NME8: variants seen among roughly 807,000 people sequenced by gnomAD.
NME8 encodes the protein protein NME8.
In NME8, 72 loss-of-function variants were observed where a neutral mutation model predicts 82.3. That is an observed-to-expected ratio of 0.87 (90% CI 0.72 to 1.06). The LOEUF is 1.06. NME8 is among the 50% of genes least tolerant of loss of function. NME8 has a pLI of 0.00. For missense variants in NME8, 712 were observed against 685.4 expected, an observed-to-expected ratio of 1.04 and a Z score of -0.43; for synonymous variants, 267 against 228.5, an observed-to-expected ratio of 1.17 and a Z score of -1.52.
chr7:37,857,476 T>G, intron 6 of NME8, 131 bp downstream of exon 6: 1 of 664,542 alleles, frequency 1.5e-6, no homozygotes, highest in Non-Finnish European at 2.6e-6. Flanking sequence ...TATCTTTTCT[T>G]GACTATTTAT....
intron 12 of NME8, among the ~76,000 whole-genome samples, chr7:37,878,772 C>G (rs1784897408): frequency 1.3e-5 from 2 of 152,104 alleles, no homozygotes; most frequent in Admixed American, 1.3e-4. Context: ...AAAAATACTA[C>G]AGAGTTCCCA....
chr7:37,855,214 A>G (rs1784494032), intron 5 of NME8, among the ~76,000 whole-genome samples: 1 of 152,148 alleles, frequency 6.6e-6, no homozygotes, highest in Non-Finnish European at 1.5e-5. Flanking sequence ...AAAGAACTTT[A>G]AAAACAGTCT....
Position 37,857,330 on chromosome 7 carries a change from TTTTCTC to T in NME8, c.259_264del (p.Leu87_Phe88del), listed in dbSNP as rs1368750624. Reference sequence around the variant, plus strand: ...CATTTAGAGATAAATGTGAACCTGTTTTTCTCTTTAGTGTTGTAAGTATATTTACTT... The same window carrying T: ...CATTTAGAGATAAATGTGAACCTGTTTTTAGTGTTGTAAGTATATTTACTT... On this transcript the variant is annotated inframe_deletion, in exon 6 of 18. Transcript: ENST00000199447. The T allele has an allele frequency of 6.2e-7, 1 of 1,609,436 alleles. No individual in the cohort carries two copies. The highest frequency in any genetic ancestry group is 1.3e-5 in the African/African-American group (1 of 74,808).
At chr7:37,852,744 A>G (rs936671431) in intron 5 of NME8, among the ~76,000 whole-genome samples, 6 of 152,214 alleles carry the variant, frequency 3.9e-5, no homozygotes, top group Non-Finnish European at 8.8e-5. Flanking sequence ...CTGCTGAAGA[A>G]CATCTTGGTT....
intron 17 of NME8, among the ~76,000 whole-genome samples, chr7:37,899,348 G>A (rs187946237): frequency 6.6e-6 from 1 of 152,212 alleles, no homozygotes; most frequent in Non-Finnish European, 1.5e-5. Context: ...ATACTATGCA[G>A]CCATAAAAGG....
chr7:37,877,097 A>T, intron 12 of NME8, 90 bp downstream of exon 12: 1 of 1,100,826 alleles, frequency 9.1e-7, no homozygotes, highest in Non-Finnish European at 1.3e-6. Context: ...ACATTGTTTT[A>T]AAATTTAACA....
chr7:37,849,333 A>G (rs1784405048), intron 2 of NME8, among the ~76,000 whole-genome samples: 3 of 152,160 alleles, frequency 2.0e-5, no homozygotes, highest in African/African-American at 4.8e-5. Context: ...TGCAATTGAT[A>G]ATATAGGAAA....
chr7:37,850,602 T>A (rs1169656395), intron 4 of NME8, 27 bp from the exon 5 acceptor site: 1 of 1,568,508 alleles, frequency 6.4e-7, no homozygotes, highest in African/African-American at 1.4e-5. Context: ...TAGACTTTGT[T>A]ATTTCATAAA....
intron 6 of NME8, among the ~76,000 whole-genome samples, chr7:37,860,175 T>G (rs1023975153): frequency 2.0e-5 from 3 of 152,232 alleles, no homozygotes; most frequent in African/African-American, 4.8e-5. Flanking sequence ...TATGATTAAG[T>G]CTTTTCAATT....
At chr7:37,856,253 C>G (rs1453691784) in intron 5 of NME8, among the ~76,000 whole-genome samples, 2 of 152,124 alleles carry the variant, frequency 1.3e-5, no homozygotes, top group Non-Finnish European at 2.9e-5. Flanking sequence ...CGTTAAAATC[C>G]TAATCTCCAA....
At chr7:37,866,936 G>C (rs1397265870) in intron 10 of NME8, among the ~76,000 whole-genome samples, 2 of 152,128 alleles carry the variant, frequency 1.3e-5, no homozygotes, top group Non-Finnish European at 2.9e-5. Context: ...CCAGGTCTTA[G>C]GTAGATAAGA....
intron 17 of NME8, among the ~76,000 whole-genome samples, chr7:37,897,903 A>G (rs1041634878): frequency 1.1e-4 from 16 of 152,120 alleles, no homozygotes; most frequent in Non-Finnish European, 1.5e-4. Flanking sequence ...TCTATCGCTG[A>G]TGGGCATTTG....
chr7:37,884,464 G>T lies in NME8; in HGVS notation c.1139+17G>T, dbSNP rs1260542505. The T allele has an allele frequency of 6.2e-7, 1 of 1,603,736 alleles. No individual in the cohort carries two copies. The highest frequency in any genetic ancestry group is 8.5e-7 in the Non-Finnish European group (1 of 1,171,440). ...CATGACCAGGTAGAATCCAGGTTGA[G>T]AAAATTCAGTCTGATTTATTTTTGA... On this transcript the variant is annotated intron_variant, in intron 13 of 17. Transcript: ENST00000199447.
chr7:37,889,144 C>T (rs1290586124), intron 15 of NME8, among the ~76,000 whole-genome samples: 1 of 151,936 alleles, frequency 6.6e-6, no homozygotes, highest in Non-Finnish European at 1.5e-5. Context: ...AGTTTTCTAT[C>T]ACCCTTTGAG....
At chr7:37,859,884 A>G (rs981390464) in intron 6 of NME8, among the ~76,000 whole-genome samples, 3 of 152,150 alleles carry the variant, frequency 2.0e-5, no homozygotes, top group African/African-American at 7.2e-5. Flanking sequence ...ATTGCTCCAC[A>G]TCCATAATCA....
At chr7:37,854,158 T>C (rs184800631) in intron 5 of NME8, among the ~76,000 whole-genome samples, 1 of 152,080 alleles carries the variant, frequency 6.6e-6, no homozygotes, top group South Asian at 2.1e-4. Flanking sequence ...AAACAGTCGA[T>C]TGATACATAT....
intron 14 of NME8, among the ~76,000 whole-genome samples, chr7:37,887,082 G>A (rs1256633099): frequency 6.6e-6 from 1 of 152,070 alleles, no homozygotes; most frequent in Non-Finnish European, 1.5e-5. Context: ...TGAGCAGTGA[G>A]CATTATTTGC....
At chr7:37,897,682 C>T (rs1471019530) in intron 17 of NME8, among the ~76,000 whole-genome samples, 1 of 149,612 alleles carries the variant, frequency 6.7e-6, no homozygotes, top group Non-Finnish European at 1.5e-5. Context: ...CACCCCCCAA[C>T]AGGCCCTGAT....
At chr7:37,867,245 G>A (rs1033392798) in intron 10 of NME8, among the ~76,000 whole-genome samples, 3 of 150,860 alleles carry the variant, frequency 2.0e-5, no homozygotes, top group African/African-American at 7.3e-5. Context: ...AAGATCTTGA[G>A]GCCCACAAGG....
Sources: gnomAD v4.1 joint callset for allele counts (sites outside exome capture counted in the v4.1 genomes callset) on GRCh38, gnomAD v4.1.1 for gene constraint, MANE v1.5 for transcripts, NCBI Gene and HGNC (gene_info 2026-07-23, HGNC 2026-07-21) for gene names.